COG2: variants seen among roughly 807,000 people sequenced by gnomAD.
COG2 encodes the protein conserved oligomeric Golgi complex subunit 2.
A neutral mutation model predicts 90.6 loss-of-function variants in COG2; 52 were observed. That is an observed-to-expected ratio of 0.57 (90% CI 0.46 to 0.72). The LOEUF (loss-of-function observed/expected upper bound fraction) is 0.72. Among genes scored for constraint, COG2 ranks in the 30% least tolerant of loss-of-function variants. The probability of loss-of-function intolerance (pLI) is 0.00; values close to 1 mark genes in which losing one functional copy is unlikely to be tolerated. For missense variants in COG2, 829 were observed against 891.2 expected, an observed-to-expected ratio of 0.93 and a Z score of 0.89; for synonymous variants, 337 against 320.4, an observed-to-expected ratio of 1.05 and a Z score of -0.55.
intron 17 of COG2, among the ~76,000 whole-genome samples, chr1:230,692,773 T>C (rs1295111089): frequency 8.0e-6 from 1 of 124,590 alleles, no homozygotes; most frequent in Non-Finnish European, 1.8e-5. Context: ...TATGGATGTA[T>C]ACGTGTGTGT....
intron 5 of COG2, among the ~76,000 whole-genome samples, chr1:230,667,832 A>G (rs1290768919): frequency 6.6e-6 from 1 of 152,198 alleles, no homozygotes; most frequent in South Asian, 2.1e-4. Context: ...CAGTGTACAC[A>G]GGATGCCTCA....
intron 12 of COG2, 27 bp from the exon 13 acceptor site, chr1:230,686,908 T>A (rs1165382083): frequency 1.4e-6 from 2 of 1,429,124 alleles, no homozygotes; most frequent in Non-Finnish European, 1.9e-6. Flanking sequence ...AGTGTGAAAG[T>A]AGTTAATCAG....
intron 5 of COG2, among the ~76,000 whole-genome samples, chr1:230,665,380 G>T (rs577377618): frequency 6.6e-6 from 1 of 152,170 alleles, no homozygotes; most frequent in Non-Finnish European, 1.5e-5. Context: ...ATCTCTGAAA[G>T]TCACATTGAT....
Position 230,667,716 on chromosome 1 carries a change from G to A in COG2, c.486-960G>A, listed in dbSNP as rs575515031. Among the ~76,000 whole-genome samples, 165 of 152,272 alleles carry A rather than the reference G, an allele frequency of 1.1e-3. 1 individual carries two copies. Among genetic ancestry groups the A allele is most frequent in the South Asian group, 5.0e-3 (24 of 4,830 alleles). On this transcript the variant is annotated intron_variant, in intron 5 of 17. Coordinates refer to ENST00000366669, the MANE Select transcript of COG2 (RefSeq NM_007357.3). ...AGTTCCTGTTCCTCTAAACTAGTTT[G>A]GATGCTACAAATACAGAACTGGGTG...
Position 230,642,528 on chromosome 1 carries a change from C to A in COG2, c.-79C>A. Reference sequence around the variant, plus strand: ...CTGTGCCGTGGAAACTGGCGGTGGCCGCGGCCGCCGAGTCGGTCTGCGCAG... The same window carrying A: ...CTGTGCCGTGGAAACTGGCGGTGGCAGCGGCCGCCGAGTCGGTCTGCGCAG... On this transcript the variant is annotated 5_prime_UTR_variant, in exon 1 of 18. Coordinates refer to ENST00000366669, the MANE Select transcript of COG2 (RefSeq NM_007357.3). 1 of 1,442,296 alleles carries A rather than the reference C, an allele frequency of 6.9e-7. No homozygotes were observed. The allele number at this position is 1,442,296 out of a possible 1,614,324, so 89.3% of individuals were successfully genotyped here. A position where few individuals can be genotyped will look rare whatever the true frequency, so the allele number is the denominator to read the frequency against.
Position 230,693,727 on chromosome 1 carries a change from A to G in COG2, c.*334A>G. ...TAAAATATGATTAAAGTAAATATAT[A>G]CCTATGAATATCAAGAGTCGTCTCC... On this transcript the variant is annotated 3_prime_UTR_variant, in exon 18 of 18. Coordinates refer to ENST00000366669, the MANE Select transcript of COG2 (RefSeq NM_007357.3). 1 of 171,928 alleles carries G rather than the reference A, an allele frequency of 5.8e-6. No homozygotes were observed. The highest frequency in any genetic ancestry group is 2.5e-3 in the Middle Eastern group (1 of 394). 10.7% of individuals were successfully genotyped at this position (171,928 alleles called of 1,614,324 possible).
Position 230,693,683 on chromosome 1 carries a change from G to A in COG2, c.*290G>A, listed in dbSNP as rs1663099354. On this transcript the variant is annotated 3_prime_UTR_variant, in exon 18 of 18. Transcript: ENST00000366669. Reference sequence around the variant, plus strand: ...TATTTTATTTTTATTGTAAATCTTAGTGTGGAAGAGCTGATTTCTAAAATA... The same window carrying A: ...TATTTTATTTTTATTGTAAATCTTAATGTGGAAGAGCTGATTTCTAAAATA... The A allele has an allele frequency of 4.3e-6, 1 of 231,898 alleles. No individual in the cohort carries two copies. The highest frequency in any genetic ancestry group is 5.7e-5 in the Admixed American group (1 of 17,672). 14.4% of individuals were successfully genotyped at this position (231,898 alleles called of 1,614,324 possible). A position where few individuals can be genotyped will look rare whatever the true frequency, so the allele number is the denominator to read the frequency against.
chr1:230,683,409 TAAAAAA>T (rs5781595), intron 10 of COG2, 159 bp from the exon 11 acceptor site: 598 of 384,134 alleles, frequency 1.6e-3, no homozygotes, highest in Middle Eastern at 3.8e-3. Context: ...CTTGTTCAGT[TAAAAAA>T]AAAAAAAAAA....
intron 2 of COG2, 76 bp from the exon 3 acceptor site, chr1:230,660,682 C>T: frequency 1.0e-6 from 1 of 964,330 alleles, no homozygotes; most frequent in South Asian, 1.8e-5. Flanking sequence ...TCTAGCACTA[C>T]ATTGATCATT....
chr1:230,646,956 C>A (rs1661802579), intron 1 of COG2, among the ~76,000 whole-genome samples: 1 of 152,134 alleles, frequency 6.6e-6, no homozygotes, highest in Non-Finnish European at 1.5e-5. Flanking sequence ...TCATCATTAT[C>A]TCTGGCCATT....
At chr1:230,683,776 A>C in intron 11 of COG2, 141 bp downstream of exon 11, 1 of 608,460 alleles carries the variant, frequency 1.6e-6, no homozygotes, top group Non-Finnish European at 2.9e-6. Flanking sequence ...CTTAAAAATC[A>C]CTTAGTTTGA....
intron 1 of COG2, among the ~76,000 whole-genome samples, chr1:230,652,225 C>A (rs1047284824): frequency 6.6e-6 from 1 of 152,084 alleles, no homozygotes; most frequent in African/African-American, 2.4e-5. Flanking sequence ...CATCCCTAAC[C>A]CCAGGCAACT....
rs1662396945 is a variant in COG2 at position 230,669,473 on chromosome 1, G to A, written c.712G>A (p.Asp238Asn). The change falls in exon 7 of 18, where the codon GAC becomes AAC. Residue 238 changes from aspartate to asparagine, a missense_variant. Physicochemically the swap from Asp to Asn is conservative, Grantham distance 23. Coordinates refer to ENST00000366669, the MANE Select transcript of COG2 (RefSeq NM_007357.3). ...RHCLRTYATI[D>N]KTRDAEALVG... ...CTGCTTGCGGACTTACGCCACGATT[G>A]ACAAGACACGGGACGCGGAGGCCTT... is the stretch of plus-strand genomic sequence containing the variant. 6 of 1,614,086 alleles carry A rather than the reference G, an allele frequency of 3.7e-6. No individual in the cohort carries two copies. Among genetic ancestry groups the A allele is most frequent in the Non-Finnish European group, 5.1e-6 (6 of 1,179,966 alleles).
At chr1:230,678,743 G>A (rs1172729670) in intron 9 of COG2, 170 bp from the exon 10 acceptor site, 1 of 1,516,392 alleles carries the variant, frequency 6.6e-7, no homozygotes, top group Admixed American at 2.0e-5. Flanking sequence ...GGGCATTTAT[G>A]TATCTTTAAA....
intron 8 of COG2, among the ~76,000 whole-genome samples, chr1:230,672,308 AG>A (rs987027253): frequency 1.3e-5 from 2 of 152,208 alleles, no homozygotes; most frequent in Non-Finnish European, 2.9e-5. Context: ...TTCTCGAAGC[AG>A]GGCATGAGGC....
At chr1:230,644,078 TC>T (rs1661696193) in intron 1 of COG2, among the ~76,000 whole-genome samples, 1 of 152,154 alleles carries the variant, frequency 6.6e-6, no homozygotes, top group African/African-American at 2.4e-5. Flanking sequence ...CCACCACCTT[TC>T]CCACTCTGAG....
chr1:230,674,488 T>G (rs1396356423), intron 8 of COG2, among the ~76,000 whole-genome samples: 1 of 152,256 alleles, frequency 6.6e-6, no homozygotes, highest in African/African-American at 2.4e-5. Context: ...GTGTCAAGAT[T>G]TGTGATAAGA....
chr1:230,662,085 T>A (rs1377868438), intron 3 of COG2, among the ~76,000 whole-genome samples: 1 of 152,098 alleles, frequency 6.6e-6, no homozygotes, highest in Non-Finnish European at 1.5e-5. Context: ...TGGAGGTGGA[T>A]TCACTCTCCC....
At chr1:230,653,746 C>T (rs996880321) in intron 1 of COG2, among the ~76,000 whole-genome samples, 3 of 152,006 alleles carry the variant, frequency 2.0e-5, no homozygotes, top group African/African-American at 4.8e-5. Flanking sequence ...ATCAAGAGGC[C>T]GCATCTGGTG....
Sources: allele counts gnomAD v4.1 joint callset (sites outside exome capture counted in the v4.1 genomes callset), GRCh38; gene constraint gnomAD v4.1.1; transcripts MANE v1.5; gene names NCBI Gene and HGNC (gene_info 2026-07-23, HGNC 2026-07-21).